The following SLC44A5 variants were observed in gnomAD, a reference collection of about 807,000 sequenced individuals.
SLC44A5 encodes choline transporter-like protein 5.
In SLC44A5, 57 loss-of-function variants were observed where a neutral mutation model predicts 101.8. The observed-to-expected ratio is 0.56, with a 90% confidence interval of 0.45 to 0.70. The LOEUF (loss-of-function observed/expected upper bound fraction) is 0.70, where lower values mean the gene tolerates loss of function less well. Ranked by LOEUF, SLC44A5 falls within the 30% of genes least tolerant of loss-of-function variation. SLC44A5 has a pLI of 0.00. For synonymous variants in SLC44A5, 281 were observed against 290.9 expected (o/e 0.97, Z 0.35); for missense variants, 737 against 853.1 (o/e 0.86, Z 1.70).
At chr1:75,253,647 T>C (rs1442307229) in intron 6 of SLC44A5, among the ~76,000 whole-genome samples, 3 of 152,204 alleles carry the variant, frequency 2.0e-5, no homozygotes, top group Non-Finnish European at 1.5e-5. Context: ...GAATAAATTA[T>C]ACATATCTTG....
chr1:75,254,910 C>CA (rs552743714), intron 6 of SLC44A5, among the ~76,000 whole-genome samples: 108 of 150,774 alleles, frequency 7.2e-4, no homozygotes, highest in Middle Eastern at 6.8e-3. Flanking sequence ...ACTAAAATTG[C>CA]AAAAAAAAAT....
At chr1:75,612,040 T>A (rs966259954), upstream of SLC44A5, among the ~76,000 whole-genome samples, 1 of 152,176 alleles carries the variant, frequency 6.6e-6, no homozygotes, top group African/African-American at 2.4e-5. Context: ...GTTAAATTAA[T>A]CCTCATTCTC....
chr1:75,439,945 A>G (rs1424323729), intron 2 of SLC44A5, among the ~76,000 whole-genome samples: 1 of 152,194 alleles, frequency 6.6e-6, no homozygotes, highest in African/African-American at 2.4e-5. Context: ...TCAGAAAGCA[A>G]GCTAATATTA....
intron 11 of SLC44A5, among the ~76,000 whole-genome samples, chr1:75,235,773 T>C (rs1174813367): frequency 6.6e-6 from 1 of 151,870 alleles, no homozygotes; most frequent in African/African-American, 2.4e-5. Flanking sequence ...CTGAACCACA[T>C]TTTTTTTGTG....
chr1:75,477,502 G>C (rs1400778061), intron 2 of SLC44A5, among the ~76,000 whole-genome samples: 1 of 152,028 alleles, frequency 6.6e-6, no homozygotes, highest in Non-Finnish European at 1.5e-5. Flanking sequence ...TAAAACCTTT[G>C]AAAAAAATTT....
intron 4 of SLC44A5, among the ~76,000 whole-genome samples, chr1:75,335,482 T>C (rs1296151585): frequency 2.6e-5 from 4 of 152,256 alleles, no homozygotes; most frequent in East Asian, 1.9e-4. Flanking sequence ...ACAAGGGGAA[T>C]TGCATGAATA....
Position 75,503,466 on chromosome 1 carries a change from G to A in SLC44A5, c.13+37969C>T, listed in dbSNP as rs367751052. 8.2e-4 allele frequency among the ~76,000 whole-genome samples: 125 copies of A among 152,178 alleles called. 1 individual carries two copies. The highest frequency in any genetic ancestry group is 1.5e-3 in the Non-Finnish European group (104 of 68,014). On this transcript the variant is annotated intron_variant, in intron 2 of 23. Transcript: ENST00000370859. The stretch of plus-strand genomic sequence containing the variant: ...CTCTCCTGCAGCCATGCGAAGACAT[G>A]CTTGCTTCCTCTTCACCCTTCTGCC...
intron 7 of SLC44A5, among the ~76,000 whole-genome samples, chr1:75,248,456 G>A (rs911472965): frequency 1.3e-5 from 2 of 152,118 alleles, no homozygotes; most frequent in African/African-American, 4.8e-5. Context: ...GAATTAGAGG[G>A]AAGGCAGAAT....
At chr1:75,510,777 T>G (rs769275906) in intron 2 of SLC44A5, among the ~76,000 whole-genome samples, 11 of 152,090 alleles carry the variant, frequency 7.2e-5, no homozygotes, top group Admixed American at 6.5e-5. Flanking sequence ...GTTTGAGAAG[T>G]TAGAAGAAAA....
chr1:75,284,743 T>C (rs1308758802), intron 5 of SLC44A5, among the ~76,000 whole-genome samples: 5 of 152,132 alleles, frequency 3.3e-5, no homozygotes, highest in African/African-American at 1.2e-4. Context: ...TATCAAATGC[T>C]TTTCCTGTGT....
At chr1:75,423,171 A>AGG (rs374078105) in intron 2 of SLC44A5, among the ~76,000 whole-genome samples, 36 of 152,312 alleles carry the variant, frequency 2.4e-4, no homozygotes, top group African/African-American at 7.5e-4. Flanking sequence ...AGTACTCTCT[A>AGG]CGGAATGAAT....
At chr1:75,266,556 A>T (rs1014495179) in intron 6 of SLC44A5, among the ~76,000 whole-genome samples, 4 of 152,160 alleles carry the variant, frequency 2.6e-5, no homozygotes, top group Admixed American at 2.6e-4. Context: ...AAGTATTTTA[A>T]CCTTTCTGAA....
the SLC44A5 span, among the ~76,000 whole-genome samples, chr1:75,648,534 C>T: frequency 6.6e-6 from 1 of 152,034 alleles, no homozygotes; most frequent in Admixed American, 6.5e-5. Flanking sequence ...GGACACTTGG[C>T]ATATGATAGT....
the SLC44A5 span, among the ~76,000 whole-genome samples, chr1:75,627,636 T>A: frequency 6.6e-6 from 1 of 151,826 alleles, no homozygotes; most frequent in Non-Finnish European, 1.5e-5. Flanking sequence ...TGAATTATGA[T>A]CATGTCACCC....
At chr1:75,285,918 G>A (rs1653000772) in intron 5 of SLC44A5, among the ~76,000 whole-genome samples, 1 of 152,034 alleles carries the variant, frequency 6.6e-6, no homozygotes, top group Non-Finnish European at 1.5e-5. Context: ...AATGTTCCAT[G>A]TGCTGTGGAA....
At chr1:75,271,494 G>GTTTTTTTTTTTTTTTTT (rs1160786422) in intron 6 of SLC44A5, among the ~76,000 whole-genome samples, 10 of 42,576 alleles carry the variant, frequency 2.3e-4, no homozygotes, top group African/African-American at 1.1e-3. Flanking sequence ...CACTCTGCAT[G>GTTTTTTTTTTTTTTTTT]TTTTGTGTGT....
chr1:75,690,812 T>G, the SLC44A5 span, among the ~76,000 whole-genome samples: 4 of 152,130 alleles, frequency 2.6e-5, no homozygotes, highest in Non-Finnish European at 5.9e-5. Context: ...GGAATTTTCA[T>G]GAATATTCCA....
chr1:75,383,657 C>A (rs368647341), intron 3 of SLC44A5, among the ~76,000 whole-genome samples: 1 of 152,190 alleles, frequency 6.6e-6, no homozygotes, highest in East Asian at 1.9e-4. Context: ...GGAGAACTTC[C>A]CCAATCTAGC....
chr1:75,635,611 A>C, the SLC44A5 span, among the ~76,000 whole-genome samples: 1 of 135,800 alleles, frequency 7.4e-6, no homozygotes, highest in Non-Finnish European at 1.6e-5. Flanking sequence ...AACAATGAGA[A>C]CACATGGACA....
Sources: allele counts gnomAD v4.1 joint callset (sites outside exome capture counted in the v4.1 genomes callset), GRCh38; gene constraint gnomAD v4.1.1; transcripts MANE v1.5; gene names NCBI Gene and HGNC (gene_info 2026-07-23, HGNC 2026-07-21).